Variants in KCND3 observed in about 807,000 individuals in gnomAD.
KCND3 encodes A-type voltage-gated potassium channel KCND3.
KCND3 carries 9 observed loss-of-function variants against 51.1 expected under a neutral mutation model. The ratio of observed to expected loss-of-function variants is 0.18; its 90% CI spans 0.11 to 0.31. KCND3 has a LOEUF of 0.31. Among genes scored for constraint, KCND3 ranks in the 10% least tolerant of loss-of-function variants. The probability of loss-of-function intolerance (pLI) is 1.00; values close to 1 mark genes in which losing one functional copy is unlikely to be tolerated. For synonymous variants in KCND3, 349 were observed against 368.0 expected (o/e 0.95, Z 0.59); for missense variants, 526 against 903.8 (o/e 0.58, Z 5.36).
At chr1:111,821,801 C>T (rs565600868) in intron 2 of KCND3, among the ~76,000 whole-genome samples, 2 of 152,234 alleles carry the variant, frequency 1.3e-5, no homozygotes, top group African/African-American at 4.8e-5. Context: ...TCCCTGGGAC[C>T]CTGAGCATCC....
chr1:111,882,117 T>C (rs1669361643), intron 2 of KCND3, among the ~76,000 whole-genome samples: 1 of 152,176 alleles, frequency 6.6e-6, no homozygotes, highest in Non-Finnish European at 1.5e-5. Context: ...GTACCCAGTT[T>C]CTAGCTCTGA....
At chr1:111,907,737 A>C (rs1359193818) in intron 2 of KCND3, among the ~76,000 whole-genome samples, 2 of 152,258 alleles carry the variant, frequency 1.3e-5, no homozygotes, top group Non-Finnish European at 2.9e-5. Flanking sequence ...ATGTGCACAC[A>C]TGCTGTGAGC....
intron 2 of KCND3, among the ~76,000 whole-genome samples, chr1:111,831,833 A>G (rs898984451): frequency 6.6e-6 from 1 of 152,218 alleles, no homozygotes; most frequent in Non-Finnish European, 1.5e-5. Context: ...ATATTTTTAA[A>G]AACTCTCTAG....
chr1:111,924,926 C>A (rs184582544), intron 2 of KCND3, among the ~76,000 whole-genome samples: 26 of 152,360 alleles, frequency 1.7e-4, no homozygotes, highest in African/African-American at 6.3e-4. Flanking sequence ...ACTTCTGAGA[C>A]AGGGATCTGT....
chr1:111,834,369 G>C (rs778991605), intron 2 of KCND3, among the ~76,000 whole-genome samples: 1 of 152,082 alleles, frequency 6.6e-6, no homozygotes, highest in Non-Finnish European at 1.5e-5. Context: ...CAAAACACAA[G>C]AGCTTGAAAA....
chr1:111,843,352 T>C (rs1343328679), intron 2 of KCND3, among the ~76,000 whole-genome samples: 1 of 152,234 alleles, frequency 6.6e-6, no homozygotes, highest in Non-Finnish European at 1.5e-5. Flanking sequence ...CTGCATTCCC[T>C]TGGCTTTTCC....
In KCND3 at chr1:111,778,440, A is replaced by C; in HGVS notation, c.1514T>G (p.Ile505Ser). The C allele has an allele frequency of 6.2e-7, 1 of 1,613,588 alleles. No homozygotes were observed. The highest frequency in any genetic ancestry group is 8.5e-7 in the Non-Finnish European group (1 of 1,179,470). The change falls in exon 6 of 8, where the codon ATC (isoleucine) becomes AGC (serine). Residue 505 changes from isoleucine to serine, a missense_variant. Transcript: ENST00000302127. ...TGAATTTTTAAAAAGTTATACCTTGATGGTGGAGGTTCGTACAGATAACAG... is the reference window on the plus strand; with the variant it reads ...TGAATTTTTAAAAAGTTATACCTTGCTGGTGGAGGTTCGTACAGATAACAG... ...DPLLSVRTST[I>S]KNHEFIDEQM... is the part of the protein sequence containing the mutation.
chr1:111,865,965 C>G (rs1311313494), intron 2 of KCND3, among the ~76,000 whole-genome samples: 1 of 152,194 alleles, frequency 6.6e-6, no homozygotes, highest in Admixed American at 6.5e-5. Flanking sequence ...CTTGGCTTCC[C>G]AAAGTGCTGG....
intron 2 of KCND3, among the ~76,000 whole-genome samples, chr1:111,946,494 G>A (rs1672785018): frequency 6.6e-6 from 1 of 152,174 alleles, no homozygotes; most frequent in Admixed American, 6.5e-5. Flanking sequence ...CCTTGGCACT[G>A]GGAAGGGCAG....
chr1:111,960,970 C>T (rs1571907495), intron 2 of KCND3, among the ~76,000 whole-genome samples: 1 of 152,150 alleles, frequency 6.6e-6, no homozygotes, highest in Admixed American at 6.5e-5. Flanking sequence ...TTGGTGGTGC[C>T]TTGCCATGTC....
chr1:111,904,722 C>T (rs1229280331), intron 2 of KCND3, among the ~76,000 whole-genome samples: 2 of 152,194 alleles, frequency 1.3e-5, no homozygotes, highest in Admixed American at 1.3e-4. Context: ...GACAGCCGCC[C>T]CTGCTTAGAG....
intron 2 of KCND3, among the ~76,000 whole-genome samples, chr1:111,798,537 C>A (rs753416824): frequency 5.9e-5 from 9 of 151,954 alleles, no homozygotes; most frequent in Non-Finnish European, 1.3e-4. Context: ...GCCTGACATG[C>A]TGCACGATGC....
At chr1:111,955,552 G>T (rs1571899516) in intron 2 of KCND3, among the ~76,000 whole-genome samples, 3 of 152,300 alleles carry the variant, frequency 2.0e-5, no homozygotes, top group Admixed American at 2.0e-4. Context: ...ACGCTGCATT[G>T]TAATGATCTG....
chr1:111,967,267 C>T (rs1674058385), intron 2 of KCND3, among the ~76,000 whole-genome samples: 1 of 152,048 alleles, frequency 6.6e-6, no homozygotes, highest in African/African-American at 2.4e-5. Context: ...GAAGACAGCC[C>T]AGCTCCAAAG....
intron 5 of KCND3, 115 bp from the exon 6 acceptor site, chr1:111,778,607 A>G (rs1434679348): frequency 5.2e-6 from 5 of 967,550 alleles, no homozygotes; most frequent in Admixed American, 1.9e-5. Flanking sequence ...CTTTGAGTCA[A>G]ACATTCCACC....
At chr1:111,777,380 G>A (rs1195008696) in intron 6 of KCND3, 107 bp from the exon 7 acceptor site, 3 of 1,232,228 alleles carry the variant, frequency 2.4e-6, no homozygotes, top group Admixed American at 3.4e-5. Context: ...CTTGAAGGAA[G>A]GGCTCCCAGC....
chr1:111,954,125 C>T (rs1343560129), intron 2 of KCND3, among the ~76,000 whole-genome samples: 19 of 152,214 alleles, frequency 1.2e-4, no homozygotes, highest in Admixed American at 1.2e-3. Context: ...GAGCTCCCTT[C>T]TCTTAGTTCT....
chr1:111,811,872 C>T lies in KCND3; in HGVS notation c.1107-24766G>A, dbSNP rs1254300375. ...GGGGCCTGGAGAATTTAGGCTCAGA[C>T]ATTTCTATTTCTTTTTCCCCACCTG... On this transcript the variant is annotated intron_variant, in intron 2 of 7. Transcript: ENST00000302127. 2.6e-5 allele frequency among the ~76,000 whole-genome samples: 4 copies of T among 152,258 alleles called. No homozygotes were observed. In the East Asian group the frequency reaches 5.8e-4, roughly 22 times the overall value.
intron 2 of KCND3, among the ~76,000 whole-genome samples, chr1:111,916,574 G>A (rs895750305): frequency 1.3e-5 from 2 of 152,054 alleles, no homozygotes; most frequent in Non-Finnish European, 2.9e-5. Context: ...ATGAGCAGAA[G>A]TCAATGAACA....
Sources: gnomAD v4.1 joint callset for allele counts (sites outside exome capture counted in the v4.1 genomes callset) on GRCh38, gnomAD v4.1.1 for gene constraint, MANE v1.5 for transcripts, NCBI Gene and HGNC (gene_info 2026-07-23, HGNC 2026-07-21) for gene names.